The following FNIP1 variants were observed in gnomAD, a reference collection of about 807,000 sequenced individuals.
FNIP1 encodes folliculin interacting protein 1, also known as folliculin-interacting protein 1.
In FNIP1, 40 loss-of-function variants were observed where a neutral mutation model predicts 124.5. The observed-to-expected ratio is 0.32, with a 90% CI of 0.25 to 0.42. The LOEUF (loss-of-function observed/expected upper bound fraction) is 0.42. Among genes scored for constraint, FNIP1 ranks in the 10% least tolerant of loss-of-function variants. The pLI is 1.00. For missense variants in FNIP1, 1,176 were observed against 1,403.7 expected (o/e 0.84, Z 2.59); for synonymous variants, 472 against 470.6 (o/e 1.00, Z -0.04).
chr5:131,734,714 C>T (rs557308856), intron 2 of FNIP1, among the ~76,000 whole-genome samples: 1 of 152,278 alleles, frequency 6.6e-6, no homozygotes, highest in African/African-American at 2.4e-5. Context: ...TGAAAAAATG[C>T]TCATCATCAC....
chr5:131,675,798 T>C (rs1767892516), intron 13 of FNIP1, among the ~76,000 whole-genome samples: 1 of 152,176 alleles, frequency 6.6e-6, no homozygotes, highest in African/African-American at 2.4e-5. Flanking sequence ...TTGTAAGTGA[T>C]GCAATATGAT....
Position 131,651,838 on chromosome 5 carries a change from T to G in FNIP1, c.3270A>C (p.Thr1090=). Reference sequence around the variant, plus strand: ...ACAAGTTATGCTTATAAAGCTGAAGTGTGGAATGAAGCAGATTGGAAACAA... The same window carrying G: ...ACAAGTTATGCTTATAAAGCTGAAGGGTGGAATGAAGCAGATTGGAAACAA... ...SSLVSNLLHS[T]LQLYKHNLSP... is the part of the protein sequence containing the mutation. Residue 1090 remains threonine, a synonymous_variant, in exon 16 of 18, where the codon ACA becomes ACC. Coordinates refer to ENST00000510461, the MANE Select transcript of FNIP1 (RefSeq NM_133372.3). 2 of 1,614,098 alleles carry G rather than the reference T, an allele frequency of 1.2e-6. No individual in the cohort carries two copies. Among genetic ancestry groups the G allele is most frequent in the Non-Finnish European group, 1.7e-6 (2 of 1,180,014 alleles).
At chr5:131,741,448 T>C (rs1250569162) in intron 2 of FNIP1, among the ~76,000 whole-genome samples, 1 of 152,204 alleles carries the variant, frequency 6.6e-6, no homozygotes, top group Non-Finnish European at 1.5e-5. Context: ...ATTTAAAATG[T>C]AATAAAATAC....
intron 1 of FNIP1, among the ~76,000 whole-genome samples, chr5:131,766,687 A>C (rs1771437055): frequency 1.3e-5 from 2 of 152,204 alleles, no homozygotes; most frequent in African/African-American, 4.8e-5. Flanking sequence ...GCTCAGTCCA[A>C]ATCCAAATAC....
At chr5:131,651,331 T>C (rs1767032997) in intron 16 of FNIP1, among the ~76,000 whole-genome samples, 1 of 152,198 alleles carries the variant, frequency 6.6e-6, no homozygotes. Context: ...AAGTTGAGGC[T>C]GCAGTGAGCC....
At chr5:131,709,380 T>C in intron 7 of FNIP1, 108 bp from the exon 8 acceptor site, 1 of 926,614 alleles carries the variant, frequency 1.1e-6, no homozygotes, top group Non-Finnish European at 1.7e-6. Context: ...TTGCATTCCC[T>C]TATTTTTTTC....
At chr5:131,718,824 A>C (rs761645470) in intron 5 of FNIP1, among the ~76,000 whole-genome samples, 162 bp downstream of exon 5, 2 of 152,216 alleles carry the variant, frequency 1.3e-5, no homozygotes, top group Non-Finnish European at 2.9e-5. Flanking sequence ...CATGTTTCTC[A>C]ACTAAACTCA....
At chr5:131,734,843 G>A (rs374073736) in intron 2 of FNIP1, among the ~76,000 whole-genome samples, 14 of 152,152 alleles carry the variant, frequency 9.2e-5, no homozygotes, top group East Asian at 5.8e-4. Context: ...AAATAGGAAT[G>A]CTTTTACACT....
At chr5:131,730,129 T>C (rs1201771749) in intron 3 of FNIP1, among the ~76,000 whole-genome samples, 1 of 152,154 alleles carries the variant, frequency 6.6e-6, no homozygotes. Flanking sequence ...ACAGGACTAT[T>C]ATGGATTTGT....
intron 1 of FNIP1, among the ~76,000 whole-genome samples, chr5:131,761,583 A>T (rs1245105942): frequency 6.6e-6 from 1 of 152,208 alleles, no homozygotes; most frequent in Non-Finnish European, 1.5e-5. Flanking sequence ...AATAAAAATT[A>T]TGAAACAGTG....
At chr5:131,665,773 C>G (rs1480137655) in intron 15 of FNIP1, among the ~76,000 whole-genome samples, 1 of 151,442 alleles carries the variant, frequency 6.6e-6, no homozygotes, top group Non-Finnish European at 1.5e-5. Context: ...GTATTTTTAG[C>G]AGAGACGGGG....
intron 5 of FNIP1, 42 bp from the exon 6 acceptor site, chr5:131,716,698 T>C: frequency 1.5e-6 from 2 of 1,303,642 alleles, no homozygotes; most frequent in Non-Finnish European, 1.1e-6. Flanking sequence ...ATTCATTTTA[T>C]GGTTTAAGGA....
chr5:131,656,710 AGGT>A (rs1767203100), intron 15 of FNIP1, among the ~76,000 whole-genome samples: 1 of 152,224 alleles, frequency 6.6e-6, no homozygotes, highest in Admixed American at 6.5e-5. Flanking sequence ...AGAGGACAAA[AGGT>A]ATCTGCCTGA....
intron 2 of FNIP1, among the ~76,000 whole-genome samples, chr5:131,740,500 T>G (rs918345420): frequency 2.0e-5 from 3 of 152,356 alleles, no homozygotes; most frequent in South Asian, 4.1e-4. Context: ...TGAATGGTCA[T>G]ATAACTTAAC....
chr5:131,691,640 G>C (rs745531124), intron 11 of FNIP1, among the ~76,000 whole-genome samples: 1 of 151,910 alleles, frequency 6.6e-6, no homozygotes, highest in Non-Finnish European at 1.5e-5. Context: ...AACAAAAGAG[G>C]GGTATCACTA....
intron 1 of FNIP1, among the ~76,000 whole-genome samples, chr5:131,791,594 A>G (rs566146360): frequency 1.3e-5 from 2 of 152,354 alleles, no homozygotes; most frequent in East Asian, 1.9e-4. Context: ...TAAACCACAT[A>G]TTGCTGGGAA....
rs1282724985 is a variant in FNIP1, at chr5:131,746,347, T to A, written c.93-1657A>T. 5.3e-5 allele frequency among the ~76,000 whole-genome samples: 8 copies of A among 152,264 alleles called. No individual in the cohort carries two copies. The East Asian group carries it at 1.2e-3, about 22-fold the overall frequency. On this transcript the variant is annotated intron_variant, in intron 1 of 17. Transcript: ENST00000510461. ...TGCATATATCTCATGATGCTGAGGT[T>A]TAGGGTACAACTGATGCTGTCACCC... is the stretch of plus-strand genomic sequence containing the variant.
At chr5:131,646,556 C>G (rs1187094909) in intron 17 of FNIP1, among the ~76,000 whole-genome samples, 9 of 152,106 alleles carry the variant, frequency 5.9e-5, no homozygotes, top group Admixed American at 5.9e-4. Context: ...GAAAAGTGAC[C>G]ACAGAACATA....
intron 2 of FNIP1, 59 bp downstream of exon 2, chr5:131,744,505 T>C (rs1770608398): frequency 6.6e-7 from 1 of 1,514,548 alleles, no homozygotes; most frequent in African/African-American, 1.4e-5. Flanking sequence ...AGTTTGATAA[T>C]ACTGGAATTA....
Sources: allele counts gnomAD v4.1 joint callset (sites outside exome capture counted in the v4.1 genomes callset), GRCh38; gene constraint gnomAD v4.1.1; transcripts MANE v1.5; gene names NCBI Gene and HGNC (gene_info 2026-07-23, HGNC 2026-07-21).